Variants in SSH2 observed in about 807,000 individuals in gnomAD.
SSH2 encodes the protein protein phosphatase Slingshot homolog 2.
A neutral mutation model predicts 135.2 loss-of-function variants in SSH2; 37 were observed. The ratio of observed to expected loss-of-function variants is 0.27; its 90% CI spans 0.21 to 0.36. The LOEUF (loss-of-function observed/expected upper bound fraction) is 0.36. Ranked by LOEUF, SSH2 falls within the 10% of genes least tolerant of loss-of-function variation. The probability of loss-of-function intolerance (pLI) is 1.00; values close to 1 mark genes in which losing one functional copy is unlikely to be tolerated. For missense variants in SSH2, 1,408 were observed against 1,765.3 expected (o/e 0.80, Z 3.63); for synonymous variants, 628 against 646.2 (o/e 0.97, Z 0.43).
At chr17:29,792,600 T>C (rs1217134075) in intron 3 of SSH2, among the ~76,000 whole-genome samples, 1 of 152,218 alleles carries the variant, frequency 6.6e-6, no homozygotes, top group Non-Finnish European at 1.5e-5. Flanking sequence ...ACTATTTTTA[T>C]ATTAAGTTGT....
chr17:29,635,137 T>C (rs914515227), intron 15 of SSH2, among the ~76,000 whole-genome samples: 4 of 151,400 alleles, frequency 2.6e-5, no homozygotes, highest in African/African-American at 4.9e-5. Context: ...CTCCTGACCT[T>C]GTGATCCGCC....
chr17:29,711,961 C>T (rs759005790), intron 3 of SSH2, among the ~76,000 whole-genome samples: 2 of 152,182 alleles, frequency 1.3e-5, no homozygotes, highest in Non-Finnish European at 2.9e-5. Context: ...ATGCCTGTGA[C>T]ACAGCCTGAG....
chr17:29,730,607 T>C (rs1391388616), intron 3 of SSH2, among the ~76,000 whole-genome samples: 3 of 151,826 alleles, frequency 2.0e-5, no homozygotes, highest in African/African-American at 7.3e-5. Context: ...GGCTAATTTT[T>C]TTGGTAATTT....
At chr17:29,660,135 A>G (rs1434095341) in intron 11 of SSH2, among the ~76,000 whole-genome samples, 1 of 151,980 alleles carries the variant, frequency 6.6e-6, no homozygotes, top group Non-Finnish European at 1.5e-5. Flanking sequence ...GTCAGGGCAG[A>G]CATTTTATAA....
intron 3 of SSH2, among the ~76,000 whole-genome samples, chr17:29,761,626 C>T (rs1228195530): frequency 6.6e-6 from 1 of 152,134 alleles, no homozygotes; most frequent in East Asian, 1.9e-4. Context: ...GGGAGTGAAG[C>T]TACTCAAGGG....
intron 1 of SSH2, among the ~76,000 whole-genome samples, chr17:29,903,556 T>C (rs920367311): frequency 3.3e-5 from 5 of 152,080 alleles, no homozygotes; most frequent in Admixed American, 6.6e-5. Context: ...TAATTCTCCA[T>C]GGCCAAGAGC....
intron 1 of SSH2, among the ~76,000 whole-genome samples, chr17:29,921,453 A>G (rs1295363427): frequency 6.6e-6 from 1 of 152,234 alleles, no homozygotes; most frequent in African/African-American, 2.4e-5. Flanking sequence ...CAAAAGTCTT[A>G]AAAGTGATCA....
At chr17:29,695,172 CA>C (rs1567887422) in intron 5 of SSH2, among the ~76,000 whole-genome samples, 2 of 152,298 alleles carry the variant, frequency 1.3e-5, no homozygotes, top group South Asian at 4.1e-4. Context: ...CATCTTTCAA[CA>C]GTCAGCTCAA....
intron 3 of SSH2, among the ~76,000 whole-genome samples, chr17:29,764,117 T>C (rs979079615): frequency 1.9e-4 from 29 of 151,976 alleles, no homozygotes; most frequent in Non-Finnish European, 3.4e-4. Flanking sequence ...GCCTGGCTAA[T>C]TTTTTGTATT....
intron 1 of SSH2, among the ~76,000 whole-genome samples, chr17:29,911,314 T>A (rs2066760922): frequency 6.6e-6 from 1 of 152,208 alleles, no homozygotes; most frequent in Non-Finnish European, 1.5e-5. Context: ...TACAGAGTTG[T>A]ATGCCCAAAA....
chr17:29,644,368 G>C lies in SSH2; in HGVS notation c.1427+3776C>G, dbSNP rs1458397784. On this transcript the variant is annotated intron_variant, in intron 14 of 15. Transcript: ENST00000540801. Reference sequence around the variant, plus strand: ...AGAAAGTTATTGCTTGCCTCTGAAAGTGCCTTTCTCTAACAAGAGTCTCTT... The same window carrying C: ...AGAAAGTTATTGCTTGCCTCTGAAACTGCCTTTCTCTAACAAGAGTCTCTT... Among the ~76,000 whole-genome samples, 5 of 152,234 alleles carry C rather than the reference G, an allele frequency of 3.3e-5. No homozygotes were observed. The South Asian group carries it at 1.0e-3, about 31-fold the overall frequency.
intron 3 of SSH2, among the ~76,000 whole-genome samples, chr17:29,742,751 C>T (rs2040612148): frequency 6.6e-6 from 1 of 151,712 alleles, no homozygotes; most frequent in African/African-American, 2.4e-5. Flanking sequence ...TCTCCTGCCT[C>T]AGCCTCCCGA....
intron 2 of SSH2, among the ~76,000 whole-genome samples, chr17:29,846,642 C>T (rs2043137339): frequency 6.6e-6 from 1 of 152,212 alleles, no homozygotes; most frequent in African/African-American, 2.4e-5. Flanking sequence ...GATTCATCAA[C>T]ACTGAATGAA....
intron 2 of SSH2, among the ~76,000 whole-genome samples, chr17:29,803,844 C>T (rs185848449): frequency 6.6e-6 from 1 of 152,248 alleles, no homozygotes; most frequent in East Asian, 1.9e-4. Context: ...GATATTTTTA[C>T]AGGTTAATGT....
chr17:29,801,911 T>C (rs1013229185), intron 2 of SSH2, among the ~76,000 whole-genome samples: 5 of 152,264 alleles, frequency 3.3e-5, no homozygotes, highest in Admixed American at 3.3e-4. Context: ...AAAGAATGGT[T>C]TTTGTTGCTC....
At chr17:29,706,363 A>G (rs74539990) in intron 3 of SSH2, among the ~76,000 whole-genome samples, 2,023 of 152,314 alleles carry the variant, frequency 0.013, 40 homozygotes, top group African/African-American at 0.047. Flanking sequence ...AAAAGAATCC[A>G]CAGATGTCAC....
intron 3 of SSH2, among the ~76,000 whole-genome samples, chr17:29,789,953 G>A (rs117804745): frequency 1.3e-5 from 2 of 152,150 alleles, no homozygotes; most frequent in African/African-American, 2.4e-5. Flanking sequence ...TGGTTTCACA[G>A]GTTCACAGCT....
intron 14 of SSH2, chr17:29,639,522 A>C (rs1169687610): frequency 6.6e-6 from 1 of 152,190 alleles, no homozygotes; most frequent in African/African-American, 2.4e-5. Flanking sequence ...ACCTGCTCTC[A>C]GCTCCCCCTG....
chr17:29,631,894 G>T lies in SSH2; in HGVS notation c.3300C>A (p.Pro1100=). The change falls in exon 16 of 16, where the codon CCC becomes CCA. Residue 1100 remains proline (P), a synonymous_variant. Coordinates refer to ENST00000540801, the MANE Select transcript of SSH2 (RefSeq NM_001282129.2). ...TLDPNQVSLH[P]QVLPLPHSSS... ...AAGAATGAGGCAGAGGTAGCACTTGGGGGTGCAGAGAAACCTGGTTGGGGT... is the reference window on the plus strand; with the variant it reads ...AAGAATGAGGCAGAGGTAGCACTTGTGGGTGCAGAGAAACCTGGTTGGGGT... 6.2e-7 allele frequency: 1 copy of T among 1,614,206 alleles called. No individual in the cohort carries two copies. Among genetic ancestry groups the T allele is most frequent in the Non-Finnish European group, 8.5e-7 (1 of 1,180,034 alleles).
Sources: allele counts gnomAD v4.1 joint callset (sites outside exome capture counted in the v4.1 genomes callset), GRCh38; gene constraint gnomAD v4.1.1; transcripts MANE v1.5; gene names NCBI Gene and HGNC (gene_info 2026-07-23, HGNC 2026-07-21).